The following ADGB variants were observed in gnomAD, a reference collection of about 807,000 sequenced individuals.
The protein encoded by ADGB is calpain-7-like protein.
Under a neutral mutation model 210.5 loss-of-function variants are expected in ADGB, and 172 were observed. That is an observed-to-expected ratio of 0.82 (90% CI 0.72 to 0.93). The LOEUF is 0.93. Ranked by LOEUF, ADGB falls within the 40% of genes least tolerant of loss-of-function variation. ADGB has a pLI of 0.00. For missense variants in ADGB, 2,025 were observed against 1,964.8 expected (o/e 1.03, Z -0.58); for synonymous variants, 658 against 662.7 (o/e 0.99, Z 0.11).
chr6:146,604,264 G>T (rs2114822994), intron 1 of ADGB, among the ~76,000 whole-genome samples: 1 of 152,230 alleles, frequency 6.6e-6, no homozygotes, highest in African/African-American at 2.4e-5. Context: ...GAAGTCCCTT[G>T]CCCTCCTAAA....
At chr6:146,710,255 T>C (rs1776640794) in intron 13 of ADGB, among the ~76,000 whole-genome samples, 1 of 142,234 alleles carries the variant, frequency 7.0e-6, no homozygotes, top group South Asian at 2.2e-4. Context: ...ATGTTATAGT[T>C]TTACTTTTAT....
intron 27 of ADGB, among the ~76,000 whole-genome samples, chr6:146,756,383 G>A (rs73583029): frequency 6.6e-6 from 1 of 152,008 alleles, no homozygotes; most frequent in African/African-American, 2.4e-5. Flanking sequence ...CACTAACGTC[G>A]GGTAAGAATC....
At chr6:146,688,803 A>G (rs1191171148) in intron 10 of ADGB, among the ~76,000 whole-genome samples, 2 of 152,142 alleles carry the variant, frequency 1.3e-5, no homozygotes, top group Non-Finnish European at 2.9e-5. Flanking sequence ...GAATATACCT[A>G]TAGGAAACAA....
rs1778368192 is a variant in ADGB at position 146,815,176 on chromosome 6, G to A, written c.4963G>A (p.Ala1655Thr). 6.6e-7 allele frequency: 1 copy of A among 1,518,296 alleles called. No individual in the cohort carries two copies. The highest frequency in any genetic ancestry group is 1.3e-5 in the South Asian group (1 of 77,618). 94.1% of individuals were successfully genotyped at this position (1,518,296 alleles called of 1,614,324 possible). A position where few individuals can be genotyped will look rare whatever the true frequency, so the allele number is the denominator to read the frequency against. ...GCTGGAGACAGAAAAGATGACCCCAGCTCCTGACACACAGAAAAAAAAGAA... is the reference window on the plus strand; with the variant it reads ...GCTGGAGACAGAAAAGATGACCCCAACTCCTGACACACAGAAAAAAAAGAA... Reference protein sequence around the residue: ...MKLETEKMTPAPDTQKKKKGK... With the variant: ...MKLETEKMTPTPDTQKKKKGK... Residue 1655 changes from alanine to threonine, a missense_variant, in exon 36 of 36, where the codon GCT becomes ACT. Coordinates refer to ENST00000397944, the MANE Select transcript of ADGB (RefSeq NM_024694.4).
chr6:146,657,077 T>C (rs747121319), intron 5 of ADGB, 97 bp downstream of exon 5: 51 of 1,161,602 alleles, frequency 4.4e-5, no homozygotes, highest in Non-Finnish European at 6.1e-5. Flanking sequence ...CGCAGCACTT[T>C]GGGAGGCAAA....
intron 33 of ADGB, among the ~76,000 whole-genome samples, chr6:146,800,399 C>A (rs1031895436): frequency 6.6e-6 from 1 of 152,086 alleles, no homozygotes; most frequent in Non-Finnish European, 1.5e-5. Flanking sequence ...CAAGAGAGAT[C>A]TTATTTGGAT....
intron 35 of ADGB, chr6:146,807,562 A>T: frequency 6.5e-7 from 1 of 1,538,252 alleles, no homozygotes; most frequent in Non-Finnish European, 8.7e-7. Flanking sequence ...GACACACAGA[A>T]AAAAAAGAAA....
chr6:146,792,604 C>T (rs1490598798), intron 33 of ADGB, among the ~76,000 whole-genome samples: 1 of 151,994 alleles, frequency 6.6e-6, no homozygotes, highest in Non-Finnish European at 1.5e-5. Flanking sequence ...AGCTCAAGCC[C>T]CAGTTTCAGC....
chr6:146,651,743 T>C (rs1294094075), intron 3 of ADGB, among the ~76,000 whole-genome samples: 1 of 152,068 alleles, frequency 6.6e-6, no homozygotes, highest in East Asian at 1.9e-4. Context: ...AAGTAGCCCC[T>C]GGGATTTTTA....
chr6:146,802,722 G>A (rs973512799), intron 35 of ADGB: 7 of 1,400,940 alleles, frequency 5.0e-6, no homozygotes, highest in South Asian at 3.9e-5. Context: ...GTTCTCAGAC[G>A]AGACTTTTTT....
chr6:146,740,444 T>C lies in ADGB; in HGVS notation c.2889-15T>C. On this transcript the variant is annotated splice_polypyrimidine_tract_variant and intron_variant, in intron 23 of 35. Transcript: ENST00000397944. Reference sequence around the variant, plus strand: ...GCTTTTGCCATTGATACATAATTTATTTTTATATTTCTAGACTAATGTTTA... The same window carrying C: ...GCTTTTGCCATTGATACATAATTTACTTTTATATTTCTAGACTAATGTTTA... 1 of 1,510,024 alleles carries C rather than the reference T, an allele frequency of 6.6e-7. No homozygotes were observed. Among genetic ancestry groups the C allele is most frequent in the Non-Finnish European group, 8.9e-7 (1 of 1,127,436 alleles). The allele number at this position is 1,510,024 out of a possible 1,614,324, so 93.5% of individuals were successfully genotyped here.
In ADGB at chr6:146,608,807, G is replaced by A. The variant is rs145452751; in HGVS notation, c.74+9693G>A. Among the ~76,000 whole-genome samples the A allele has an allele frequency of 3.4e-3, 516 of 152,228 alleles. 1 individual carries two copies. The highest frequency in any genetic ancestry group is 4.5e-3 in the Non-Finnish European group (303 of 67,986). On this transcript the variant is annotated intron_variant, in intron 1 of 35. Coordinates refer to ENST00000397944, the MANE Select transcript of ADGB (RefSeq NM_024694.4). ...TGTCAAAGACATGGTTGATTTTACC[G>A]TATGTGCCATGTGAAAATGGGGAGA... is the stretch of plus-strand genomic sequence containing the variant.
chr6:146,705,259 C>A (rs1310321991), intron 13 of ADGB, among the ~76,000 whole-genome samples: 2 of 151,854 alleles, frequency 1.3e-5, no homozygotes, highest in East Asian at 3.9e-4. Context: ...TCTTTCTTTC[C>A]AATTTGAGTG....
chr6:146,787,838 T>C (rs1389431261), intron 32 of ADGB, among the ~76,000 whole-genome samples: 2 of 152,214 alleles, frequency 1.3e-5, no homozygotes, highest in South Asian at 2.1e-4. Context: ...ATAATGTCTC[T>C]ATATAATGAG....
At chr6:146,706,046 T>A (rs1057144675) in intron 13 of ADGB, among the ~76,000 whole-genome samples, 7 of 151,036 alleles carry the variant, frequency 4.6e-5, no homozygotes, top group South Asian at 4.2e-4. Flanking sequence ...TGCCTTACCC[T>A]CCCAAGCAGC....
At chr6:146,697,987 T>C (rs1347509375) in intron 12 of ADGB, among the ~76,000 whole-genome samples, 1 of 152,152 alleles carries the variant, frequency 6.6e-6, no homozygotes, top group Non-Finnish European at 1.5e-5. Flanking sequence ...ACAAATTACG[T>C]GGTTAGTTTT....
chr6:146,691,461 A>AATATAT (rs1238719711), intron 11 of ADGB, among the ~76,000 whole-genome samples, 171 bp downstream of exon 11: 1 of 18,242 alleles, frequency 5.5e-5, no homozygotes, highest in African/African-American at 4.7e-4. Flanking sequence ...TATATATAAA[A>AATATAT]ATATATATAT....
At chr6:146,624,781 AT>A (rs1312108030) in intron 1 of ADGB, among the ~76,000 whole-genome samples, 1 of 151,626 alleles carries the variant, frequency 6.6e-6, no homozygotes, top group East Asian at 1.9e-4. Context: ...CTGTGTTTTC[AT>A]TTTTATTTTA....
chr6:146,811,170 C>G (rs112393270), intron 35 of ADGB, among the ~76,000 whole-genome samples: 1 of 152,056 alleles, frequency 6.6e-6, no homozygotes, highest in Non-Finnish European at 1.5e-5. Context: ...CACATAGAAA[C>G]AACCTATTTT....
Sources: gnomAD v4.1 joint callset for allele counts (sites outside exome capture counted in the v4.1 genomes callset) on GRCh38, gnomAD v4.1.1 for gene constraint, MANE v1.5 for transcripts, NCBI Gene and HGNC (gene_info 2026-07-23, HGNC 2026-07-21) for gene names.